Variants in SCHIP1 observed in about 807,000 individuals in gnomAD.
SCHIP1 encodes schwannomin interacting protein 1, also known as schwannomin-interacting protein 1.
In SCHIP1, 8 loss-of-function variants were observed where a neutral mutation model predicts 29.7. The observed-to-expected ratio is 0.27, with a 90% CI of 0.16 to 0.49. The LOEUF (loss-of-function observed/expected upper bound fraction) is 0.49, where lower values mean the gene tolerates loss of function less well. Ranked by LOEUF, SCHIP1 falls within the 20% of genes least tolerant of loss-of-function variation. The probability of loss-of-function intolerance (pLI) is 0.99; values close to 1 mark genes in which losing one functional copy is unlikely to be tolerated. For missense variants in SCHIP1, 193 were observed against 294.6 expected (o/e 0.66, Z 2.52); for synonymous variants, 76 against 94.9 (o/e 0.80, Z 1.16).
At chr3:159,591,505 C>A in the SCHIP1 span, among the ~76,000 whole-genome samples, 6 of 152,150 alleles carry the variant, frequency 3.9e-5, no homozygotes, top group Non-Finnish European at 8.8e-5. Context: ...ATAGAAAAGA[C>A]ATGGAAGCAA....
At chr3:159,304,877 C>A in the SCHIP1 span, among the ~76,000 whole-genome samples, 1 of 152,254 alleles carries the variant, frequency 6.6e-6, no homozygotes, top group African/African-American at 2.4e-5. Flanking sequence ...TATTACCACC[C>A]AGACTTTCAC....
At chr3:159,847,805 C>A (rs376004011) in intron 1 of SCHIP1, among the ~76,000 whole-genome samples, 3 of 152,162 alleles carry the variant, frequency 2.0e-5, no homozygotes, top group African/African-American at 7.2e-5. Context: ...CAGCAAAGTC[C>A]TTTAAATGGC....
the SCHIP1 span, among the ~76,000 whole-genome samples, chr3:159,555,217 G>C: frequency 1.3e-5 from 2 of 152,136 alleles, 1 homozygote; most frequent in South Asian, 4.1e-4. Context: ...GGAGGATCCA[G>C]TATTAATAGT....
chr3:159,887,562 A>G (rs930298320), intron 3 of SCHIP1, 146 bp from the exon 5 acceptor site: 1 of 827,374 alleles, frequency 1.2e-6, no homozygotes, highest in Non-Finnish European at 1.9e-6. Flanking sequence ...GTTACTTGAG[A>G]TTTATCAACT....
the SCHIP1 span, among the ~76,000 whole-genome samples, chr3:159,501,634 A>G: frequency 6.6e-6 from 1 of 152,356 alleles, no homozygotes; most frequent in South Asian, 2.1e-4. Context: ...ACCATGTGTT[A>G]TAGCAGAGTA....
At chr3:159,764,362 TGAGCCGGG>T in the SCHIP1 span, 3 of 1,485,158 alleles carry the variant, frequency 2.0e-6, no homozygotes, top group African/African-American at 4.2e-5. This position sits in a 1 kb window ranked among gnomAD's most constrained non-coding sequence, Gnocchi z 6.1. Flanking sequence ...TGCGGGGCAC[TGAGCCGGG>T]GCATTTGGGG....
chr3:159,468,777 A>ATATATATATATTTT, the SCHIP1 span, among the ~76,000 whole-genome samples: 2 of 127,338 alleles, frequency 1.6e-5, no homozygotes, highest in African/African-American at 6.1e-5. Context: ...ATATATATAT[A>ATATATATATATTTT]TTTTTTTTAG....
At chr3:159,312,203 AG>A in the SCHIP1 span, among the ~76,000 whole-genome samples, 1 of 152,186 alleles carries the variant, frequency 6.6e-6, no homozygotes, top group Non-Finnish European at 1.5e-5. Context: ...ATCCCGTATT[AG>A]CTAGGGTAGG....
chr3:159,869,396 G>A (rs541681733), intron 2 of SCHIP1, among the ~76,000 whole-genome samples: 15 of 151,878 alleles, frequency 9.9e-5, no homozygotes, highest in Non-Finnish European at 1.8e-4. Flanking sequence ...TCTGCAATCA[G>A]TCAAAAGTTG....
the SCHIP1 span, among the ~76,000 whole-genome samples, chr3:159,678,170 C>T: frequency 6.6e-6 from 1 of 152,160 alleles, no homozygotes; most frequent in Non-Finnish European, 1.5e-5. Flanking sequence ...TTGTGCTATT[C>T]GCAAGCAATC....
the SCHIP1 span, among the ~76,000 whole-genome samples, chr3:159,616,883 T>C: frequency 6.6e-6 from 1 of 152,166 alleles, no homozygotes; most frequent in African/African-American, 2.4e-5. Context: ...CCTAGCCACA[T>C]GTAGCCATTT....
the SCHIP1 span, chr3:159,764,483 G>A: frequency 1.9e-6 from 3 of 1,538,480 alleles, no homozygotes; most frequent in South Asian, 1.3e-5. This position sits in a 1 kb window ranked among gnomAD's most constrained non-coding sequence, Gnocchi z 6.1. Context: ...AGTGACGCCG[G>A]CAGCAGCAGC....
chr3:159,882,413 G>A (rs1716538168), intron 2 of SCHIP1, among the ~76,000 whole-genome samples: 1 of 152,182 alleles, frequency 6.6e-6, no homozygotes, highest in Non-Finnish European at 1.5e-5. Context: ...GGTGCTGGGA[G>A]ATTCCCATTC....
At chr3:159,706,779 A>G in the SCHIP1 span, among the ~76,000 whole-genome samples, 1 of 152,294 alleles carries the variant, frequency 6.6e-6, no homozygotes, top group South Asian at 2.1e-4. Flanking sequence ...AGTGTTCAAG[A>G]TCAGTTAGTT....
At chr3:159,548,511 A>G in the SCHIP1 span, among the ~76,000 whole-genome samples, 1 of 151,488 alleles carries the variant, frequency 6.6e-6, no homozygotes, top group African/African-American at 2.4e-5. Context: ...CTTTACCTCA[A>G]TCTCTATCTT....
the SCHIP1 span, among the ~76,000 whole-genome samples, chr3:159,450,438 C>G: frequency 6.6e-6 from 1 of 152,344 alleles, no homozygotes; most frequent in Non-Finnish European, 1.5e-5. Context: ...AATGGCTCCA[C>G]TCATAAGCAG....
the SCHIP1 span, among the ~76,000 whole-genome samples, chr3:159,390,822 C>T: frequency 1.3e-5 from 2 of 151,722 alleles, no homozygotes; most frequent in African/African-American, 4.8e-5. Flanking sequence ...CCAATTCATT[C>T]ATTCTTCTTG....
At chr3:159,807,090 T>G in the SCHIP1 span, among the ~76,000 whole-genome samples, 1 of 152,214 alleles carries the variant, frequency 6.6e-6, no homozygotes, top group Non-Finnish European at 1.5e-5. Flanking sequence ...AGTTGACAGA[T>G]TTCACAATTT....
At chr3:159,881,028 G>T (rs1357599894) in intron 2 of SCHIP1, among the ~76,000 whole-genome samples, 2 of 152,186 alleles carry the variant, frequency 1.3e-5, no homozygotes, top group Non-Finnish European at 2.9e-5. Flanking sequence ...GAGTTTGCCG[G>T]ATGGGAAAAC....
Sources: allele counts gnomAD v4.1 joint callset (sites outside exome capture counted in the v4.1 genomes callset), GRCh38; gene constraint gnomAD v4.1.1; non-coding constraint Gnocchi (gnomAD v3.1); transcripts MANE v1.5; gene names NCBI Gene and HGNC (gene_info 2026-07-23, HGNC 2026-07-21).